PLXNA4: variants seen among roughly 807,000 people sequenced by gnomAD.
PLXNA4 encodes the protein plexin A4.
A neutral mutation model predicts 191.8 loss-of-function variants in PLXNA4; 44 were observed. The ratio of observed to expected loss-of-function variants is 0.23; its 90% CI spans 0.18 to 0.29. The LOEUF (loss-of-function observed/expected upper bound fraction) is 0.29, where lower values mean the gene tolerates loss of function less well. Among genes scored for constraint, PLXNA4 ranks in the 10% least tolerant of loss-of-function variants. The pLI, the probability that PLXNA4 is intolerant of heterozygous loss-of-function variation, is 1.00. For missense variants in PLXNA4, 1,800 were observed against 2,488.8 expected, an observed-to-expected ratio of 0.72 and a Z score of 5.89; for synonymous variants, 1,082 against 1,009.5, an observed-to-expected ratio of 1.07 and a Z score of -1.36.
chr7:132,470,014 A>G (rs156933), intron 3 of PLXNA4, among the ~76,000 whole-genome samples: 151,418 of 152,350 alleles, frequency 0.99, 75,254 homozygotes, highest in Middle Eastern at 1. Context: ...TTGGGTTCTA[A>G]TAGCTGCTCC....
In PLXNA4 at chr7:132,148,007, GA is replaced by G; in HGVS notation, c.4765-9del. ...CACGGAACCATCTGGCACCTACAGG[GA>G]AAAAGCTTCTCAGGGCCTAGGCACA... On this transcript the variant is annotated splice_polypyrimidine_tract_variant and intron_variant, in intron 26 of 31. Coordinates refer to ENST00000321063, the MANE Select transcript of PLXNA4 (RefSeq NM_020911.2). 6.2e-7 allele frequency: 1 copy of G among 1,614,090 alleles called. No homozygotes were observed. Among genetic ancestry groups the G allele is most frequent in the African/African-American group, 1.3e-5 (1 of 75,010 alleles).
At chr7:132,340,506 C>A (rs539538516) in intron 3 of PLXNA4, among the ~76,000 whole-genome samples, 3 of 152,150 alleles carry the variant, frequency 2.0e-5, no homozygotes, top group Non-Finnish European at 4.4e-5. Context: ...TCCCTGTCCC[C>A]ACTGAAGAGT....
chr7:132,346,880 T>C lies in PLXNA4; in HGVS notation c.1372-48658A>G, dbSNP rs574321129. ...TGAGCTGTCTATTCAGAGCCTTGAA[T>C]GAAAAGGTGAGGTATTTTTGATGTT... is the stretch of plus-strand genomic sequence containing the variant. On this transcript the variant is annotated intron_variant, in intron 3 of 31. Transcript: ENST00000321063. Among the ~76,000 whole-genome samples, 20 of 152,278 alleles carry C rather than the reference T, an allele frequency of 1.3e-4. No individual in the cohort carries two copies. The South Asian group carries it at 2.3e-3, about 17-fold the overall frequency.
intron 16 of PLXNA4, among the ~76,000 whole-genome samples, chr7:132,183,206 G>A (rs145322692): frequency 2.4e-4 from 36 of 152,082 alleles, no homozygotes; most frequent in East Asian, 1.6e-3. Flanking sequence ...GCTCACATGC[G>A]CGCACACACG....
chr7:132,289,092 C>T (rs1002009093), intron 4 of PLXNA4, among the ~76,000 whole-genome samples: 10 of 152,330 alleles, frequency 6.6e-5, no homozygotes, highest in Admixed American at 1.3e-4. Context: ...AAGCTCTCAG[C>T]ATGGTAAAAA....
intron 4 of PLXNA4, among the ~76,000 whole-genome samples, chr7:132,263,677 T>A (rs902652145): frequency 6.6e-6 from 1 of 152,200 alleles, no homozygotes; most frequent in Non-Finnish European, 1.5e-5. Context: ...TTTAGGATTG[T>A]TTATGGAGCA....
intron 1 of PLXNA4, among the ~76,000 whole-genome samples, chr7:132,526,596 G>T (rs1444943986): frequency 6.6e-6 from 1 of 152,166 alleles, no homozygotes; most frequent in Non-Finnish European, 1.5e-5. Flanking sequence ...CTTCCTTGCT[G>T]CCTGTAGTGC....
chr7:132,229,023 T>G (rs1446306362), intron 5 of PLXNA4, among the ~76,000 whole-genome samples: 1 of 152,208 alleles, frequency 6.6e-6, no homozygotes, highest in Non-Finnish European at 1.5e-5. Context: ...CGGAGTCTCC[T>G]ACTTTAATAA....
At chr7:132,489,162 G>T (rs77446756) in intron 3 of PLXNA4, 130 bp downstream of exon 3, 1 of 922,774 alleles carries the variant, frequency 1.1e-6, no homozygotes, top group South Asian at 2.0e-5. Flanking sequence ...CAACAGCAGC[G>T]TATCTCCTTA....
chr7:132,465,427 T>A (rs1796663203), intron 3 of PLXNA4, among the ~76,000 whole-genome samples: 1 of 152,198 alleles, frequency 6.6e-6, no homozygotes, highest in Non-Finnish European at 1.5e-5. Context: ...CTCTAAAAAG[T>A]TTTACAATCT....
At chr7:132,617,204 C>A (rs183590885) in intron 2 of PLXNA4, among the ~76,000 whole-genome samples, 132 of 152,324 alleles carry the variant, frequency 8.7e-4, no homozygotes, top group African/African-American at 3.0e-3. Flanking sequence ...GGCTTGCTCC[C>A]TCCCAGCTGT....
intron 3 of PLXNA4, among the ~76,000 whole-genome samples, chr7:132,406,322 C>T (rs879229959): frequency 1.3e-5 from 2 of 152,192 alleles, no homozygotes; most frequent in African/African-American, 4.8e-5. Context: ...AAGTCACTCA[C>T]GCACTTCAAG....
chr7:132,383,535 A>G (rs1053366553), intron 3 of PLXNA4: 2 of 973,394 alleles, frequency 2.1e-6, no homozygotes, highest in Non-Finnish European at 2.4e-6. Flanking sequence ...TCATTGTATC[A>G]TGCTTTCTAA....
chr7:132,334,679 C>A lies in PLXNA4; in HGVS notation c.1372-36457G>T, dbSNP rs1040086283. Among the ~76,000 whole-genome samples, 3 of 152,202 alleles carry A rather than the reference C, an allele frequency of 2.0e-5. No homozygotes were observed. The South Asian group carries it at 6.2e-4, about 31-fold the overall frequency. ...CTGGGCCAGAATCAGGACGGAACTT[C>A]ATGGGTTAAACAACAAGGGGGAATG... On this transcript the variant is annotated intron_variant, in intron 3 of 31. Coordinates refer to ENST00000321063, the MANE Select transcript of PLXNA4 (RefSeq NM_020911.2).
chr7:132,424,743 T>A (rs1794979974), intron 3 of PLXNA4, among the ~76,000 whole-genome samples: 1 of 152,244 alleles, frequency 6.6e-6, no homozygotes, highest in Non-Finnish European at 1.5e-5. Flanking sequence ...ATCTGATGGT[T>A]ACACATTACA....
At chr7:132,321,679 C>T (rs547936774) in intron 3 of PLXNA4, among the ~76,000 whole-genome samples, 6 of 152,092 alleles carry the variant, frequency 3.9e-5, no homozygotes, top group South Asian at 4.2e-4. Flanking sequence ...CCGGGGGACA[C>T]GTGGACACAT....
At position 132,200,444 on chromosome 7, in the gene PLXNA4, C is replaced by T. The variant is rs551611634; in HGVS notation, c.2587-1808G>A. Among the ~76,000 whole-genome samples the T allele has an allele frequency of 3.1e-4, 47 of 152,290 alleles. 1 individual carries two copies. The South Asian group carries it at 9.5e-3, about 31-fold the overall frequency. On this transcript the variant is annotated intron_variant, in intron 12 of 31. Coordinates refer to ENST00000321063, the MANE Select transcript of PLXNA4 (RefSeq NM_020911.2). ...GTGAGGAGAGAAGAGGTCCACCTGT[C>T]CTCCTATTCCAGATCATTCTGTAGG...
intron 3 of PLXNA4, among the ~76,000 whole-genome samples, chr7:132,359,799 GAGAAAAA>G (rs773183555): frequency 2.0e-5 from 3 of 152,004 alleles, no homozygotes; most frequent in Non-Finnish European, 4.4e-5. Flanking sequence ...TATATCTAGA[GAGAAAAA>G]AGAAAAAAGA....
In PLXNA4 at chr7:132,474,998, C is replaced by T. The variant is rs140408084; in HGVS notation, c.1371+14294G>A. On this transcript the variant is annotated intron_variant, in intron 3 of 31. Coordinates refer to ENST00000321063, the MANE Select transcript of PLXNA4 (RefSeq NM_020911.2). ...AATATGCTCATTACTCCAAAGGTGACATACGTGTGGATAAAGAATTTGTCC... is the reference window on the plus strand; with the variant it reads ...AATATGCTCATTACTCCAAAGGTGATATACGTGTGGATAAAGAATTTGTCC... Among the ~76,000 whole-genome samples, 8 of 152,264 alleles carry T rather than the reference C, an allele frequency of 5.3e-5. No homozygotes were observed. In the East Asian group the frequency reaches 1.5e-3, roughly 29 times the overall value.
Sources: gnomAD v4.1 joint callset for allele counts (sites outside exome capture counted in the v4.1 genomes callset) on GRCh38, gnomAD v4.1.1 for gene constraint, MANE v1.5 for transcripts, NCBI Gene and HGNC (gene_info 2026-07-23, HGNC 2026-07-21) for gene names.